SH3RF3: variants seen among roughly 807,000 people sequenced by gnomAD.
SH3RF3 encodes the protein SH3 domain containing ring finger 3, also known as E3 ubiquitin-protein ligase SH3RF3.
A neutral mutation model predicts 66.3 loss-of-function variants in SH3RF3; 29 were observed. The ratio of observed to expected loss-of-function variants is 0.44; its 90% CI spans 0.33 to 0.60. SH3RF3 has a LOEUF of 0.60. SH3RF3 is among the 20% of genes least tolerant of loss of function. The probability of loss-of-function intolerance (pLI) is 0.04; values close to 1 mark genes in which losing one functional copy is unlikely to be tolerated. For synonymous variants in SH3RF3, 583 were observed against 532.0 expected, an observed-to-expected ratio of 1.10 and a Z score of -1.32; for missense variants, 1,194 against 1,190.9, an observed-to-expected ratio of 1.00 and a Z score of -0.04.
chr2:109,316,207 C>T (rs1201238976), intron 1 of SH3RF3, among the ~76,000 whole-genome samples: 2 of 152,188 alleles, frequency 1.3e-5, no homozygotes, highest in Non-Finnish European at 2.9e-5. Context: ...CCACCAGTGT[C>T]CTGGCTCTTG....
chr2:109,177,690 T>C (rs1353537561), intron 1 of SH3RF3, among the ~76,000 whole-genome samples: 1 of 152,176 alleles, frequency 6.6e-6, no homozygotes, highest in Non-Finnish European at 1.5e-5. Context: ...TGTAGTAATC[T>C]AAAAACTCTG....
intron 3 of SH3RF3, among the ~76,000 whole-genome samples, chr2:109,394,066 C>T (rs182765931): frequency 3.3e-5 from 5 of 152,248 alleles, no homozygotes; most frequent in Admixed American, 3.3e-4. Flanking sequence ...GCCCCACCCT[C>T]GGACGCAGCC....
intron 5 of SH3RF3, among the ~76,000 whole-genome samples, chr2:109,423,431 C>T (rs1164156665): frequency 6.6e-6 from 1 of 152,178 alleles, no homozygotes; most frequent in Non-Finnish European, 1.5e-5. Flanking sequence ...CCAAACCATC[C>T]TCAATAACAA....
chr2:109,434,477 C>T (rs1250031773), intron 6 of SH3RF3, among the ~76,000 whole-genome samples: 1 of 152,230 alleles, frequency 6.6e-6, no homozygotes, highest in South Asian at 2.1e-4. Context: ...ATCGCCTGGC[C>T]GGGCAACTCC....
chr2:109,418,565 G>T (rs1263283036), intron 4 of SH3RF3, among the ~76,000 whole-genome samples: 1 of 151,958 alleles, frequency 6.6e-6, no homozygotes, highest in African/African-American at 2.4e-5. Context: ...TCCACATCCC[G>T]GTCCTCCTTC....
intron 1 of SH3RF3, among the ~76,000 whole-genome samples, chr2:109,155,428 G>C (rs372657943): frequency 6.6e-6 from 1 of 152,012 alleles, no homozygotes; most frequent in African/African-American, 2.4e-5. Context: ...TCGGCCTCCC[G>C]AGTAGCTGGG....
intron 1 of SH3RF3, among the ~76,000 whole-genome samples, chr2:109,270,748 A>C (rs1477308734): frequency 6.6e-6 from 1 of 152,136 alleles, no homozygotes; most frequent in Non-Finnish European, 1.5e-5. Flanking sequence ...TCTTATGTAG[A>C]TTGACCTTTC....
intron 1 of SH3RF3, among the ~76,000 whole-genome samples, chr2:109,261,286 C>A (rs1680348504): frequency 6.6e-6 from 1 of 152,158 alleles, no homozygotes; most frequent in Non-Finnish European, 1.5e-5. Flanking sequence ...AGGTGATTGT[C>A]CCCTCCCCAG....
intron 1 of SH3RF3, among the ~76,000 whole-genome samples, chr2:109,269,663 C>T (rs553212496): frequency 4.8e-4 from 73 of 152,162 alleles, no homozygotes; most frequent in African/African-American, 1.7e-3. Flanking sequence ...TGCCTAGTCC[C>T]AGCTACTCAG....
At chr2:109,241,952 G>A (rs1679795467) in intron 1 of SH3RF3, among the ~76,000 whole-genome samples, 1 of 151,864 alleles carries the variant, frequency 6.6e-6, no homozygotes, top group African/African-American at 2.4e-5. Flanking sequence ...ATGTTCCCCA[G>A]AGTGCTGCTT....
intron 1 of SH3RF3, among the ~76,000 whole-genome samples, chr2:109,285,887 C>T (rs1387627565): frequency 6.6e-6 from 1 of 152,218 alleles, no homozygotes; most frequent in Non-Finnish European, 1.5e-5. Flanking sequence ...ATGCCCCCAG[C>T]GTGCCTCCTT....
At chr2:109,177,936 G>T (rs1327919468) in intron 1 of SH3RF3, among the ~76,000 whole-genome samples, 1 of 152,164 alleles carries the variant, frequency 6.6e-6, no homozygotes, top group Non-Finnish European at 1.5e-5. Context: ...TTTCTAGCAG[G>T]AGTCTCATTT....
intron 8 of SH3RF3, among the ~76,000 whole-genome samples, chr2:109,469,333 C>A (rs973694182): frequency 6.6e-6 from 1 of 152,234 alleles, no homozygotes; most frequent in Non-Finnish European, 1.5e-5. Flanking sequence ...GTGTGGCATG[C>A]GGCTGGGCCC....
intron 1 of SH3RF3, among the ~76,000 whole-genome samples, chr2:109,236,948 T>G (rs1679663669): frequency 6.6e-6 from 1 of 152,080 alleles, no homozygotes; most frequent in Non-Finnish European, 1.5e-5. Flanking sequence ...CCAGAGAAAT[T>G]TCAACTGGCC....
At chr2:109,344,597 C>T (rs1180177790) in intron 1 of SH3RF3, among the ~76,000 whole-genome samples, 1 of 152,176 alleles carries the variant, frequency 6.6e-6, no homozygotes, top group Non-Finnish European at 1.5e-5. Flanking sequence ...CAGCCCATGA[C>T]AGGCTGATGG....
At chr2:109,495,051 G>A (rs1679223700) in intron 9 of SH3RF3, among the ~76,000 whole-genome samples, 1 of 152,174 alleles carries the variant, frequency 6.6e-6, no homozygotes, top group Non-Finnish European at 1.5e-5. Flanking sequence ...GTAGACTTAT[G>A]AGCCAAGCCC....
chr2:109,319,996 G>A (rs1349573251), intron 1 of SH3RF3, among the ~76,000 whole-genome samples: 1 of 152,182 alleles, frequency 6.6e-6, no homozygotes, highest in Non-Finnish European at 1.5e-5. Context: ...AGTGGGGGGT[G>A]CTATTCTGGA....
intron 9 of SH3RF3, 69 bp downstream of exon 9, chr2:109,491,005 G>A (rs979360135): frequency 1.4e-5 from 19 of 1,352,918 alleles, no homozygotes; most frequent in South Asian, 7.1e-5. Context: ...AGCCACCTTC[G>A]GGGAGCAGGG....
chr2:109,241,057 A>G (rs769135495), intron 1 of SH3RF3, among the ~76,000 whole-genome samples: 5 of 152,346 alleles, frequency 3.3e-5, no homozygotes, highest in African/African-American at 7.2e-5. Flanking sequence ...TACTAAAAAT[A>G]TATGTTTAAA....
Sources: allele counts gnomAD v4.1 joint callset (sites outside exome capture counted in the v4.1 genomes callset), GRCh38; gene constraint gnomAD v4.1.1; transcripts MANE v1.5; gene names NCBI Gene and HGNC (gene_info 2026-07-23, HGNC 2026-07-21).